The following TNR variants were observed in gnomAD, a reference collection of about 807,000 sequenced individuals.
TNR encodes tenascin R.
Under a neutral mutation model 150.4 loss-of-function variants are expected in TNR, and 45 were observed. The observed-to-expected ratio is 0.30, with a 90% CI of 0.24 to 0.38. The LOEUF (loss-of-function observed/expected upper bound fraction) is 0.38. Ranked by LOEUF, TNR falls within the 10% of genes least tolerant of loss-of-function variation. The pLI, the probability that TNR is intolerant of heterozygous loss-of-function variation, is 1.00. For synonymous variants in TNR, 687 were observed against 678.4 expected (o/e 1.01, Z -0.20); for missense variants, 1,544 against 1,759.1 (o/e 0.88, Z 2.19).
intron 1 of TNR, among the ~76,000 whole-genome samples, chr1:175,665,856 A>G (rs767506532): frequency 6.6e-6 from 1 of 152,216 alleles, no homozygotes; most frequent in Non-Finnish European, 1.5e-5. Flanking sequence ...CGTTCATGGT[A>G]CAATGGAACA....
At chr1:175,408,458 T>A (rs1001306053) in intron 2 of TNR, among the ~76,000 whole-genome samples, 1 of 152,224 alleles carries the variant, frequency 6.6e-6, no homozygotes, top group African/African-American at 2.4e-5. Flanking sequence ...GTGCCTAGTA[T>A]AAAATCATGC....
At chr1:175,531,610 C>T (rs1426895273) in intron 1 of TNR, among the ~76,000 whole-genome samples, 5 of 152,158 alleles carry the variant, frequency 3.3e-5, no homozygotes, top group Admixed American at 3.3e-4. Context: ...AAAGAGCATG[C>T]TGACCTGACT....
intron 2 of TNR, among the ~76,000 whole-genome samples, chr1:175,522,828 A>G (rs1411941870): frequency 1.3e-5 from 2 of 152,224 alleles, no homozygotes; most frequent in Non-Finnish European, 2.9e-5. Context: ...TTTGTTAACA[A>G]TATAGATACT....
intron 1 of TNR, among the ~76,000 whole-genome samples, chr1:175,630,243 T>C (rs1019122263): frequency 6.6e-6 from 1 of 152,214 alleles, no homozygotes; most frequent in Admixed American, 6.5e-5. Flanking sequence ...CATTCTGCTT[T>C]AGAGAGAAGA....
chr1:175,555,504 G>T (rs866952706), intron 1 of TNR, among the ~76,000 whole-genome samples: 22 of 124,328 alleles, frequency 1.8e-4, no homozygotes, highest in Middle Eastern at 3.9e-3. Flanking sequence ...CTGACTCACC[G>T]ACAACTGAGA....
At chr1:175,436,371 G>C (rs1294901578) in intron 2 of TNR, among the ~76,000 whole-genome samples, 3 of 151,922 alleles carry the variant, frequency 2.0e-5, no homozygotes, top group Non-Finnish European at 4.4e-5. Flanking sequence ...TTCTCTTCTT[G>C]CTTCATTTCA....
intron 1 of TNR, among the ~76,000 whole-genome samples, chr1:175,673,926 A>G (rs1665777664): frequency 6.6e-6 from 1 of 152,258 alleles, no homozygotes; most frequent in Non-Finnish European, 1.5e-5. Flanking sequence ...GGCTAAGTAC[A>G]TAGTGCCATC....
intron 2 of TNR, among the ~76,000 whole-genome samples, chr1:175,417,057 A>AAGAAAGAAAGAAAGAAAGAAAGAAAG (rs1654517283): frequency 1.9e-5 from 2 of 104,444 alleles, no homozygotes; most frequent in African/African-American, 6.7e-5. Flanking sequence ...GAAAGAAAGA[A>AAGAAAGAAAGAAAGAAAGAAAGAAAG]AGAAAGAAAG....
At chr1:175,637,626 A>G (rs1664525455) in intron 1 of TNR, among the ~76,000 whole-genome samples, 1 of 152,262 alleles carries the variant, frequency 6.6e-6, no homozygotes, top group Non-Finnish European at 1.5e-5. Context: ...TAATACATCT[A>G]CATTTTCATG....
intron 1 of TNR, among the ~76,000 whole-genome samples, chr1:175,669,177 G>C (rs1665619103): frequency 6.6e-6 from 1 of 152,238 alleles, no homozygotes; most frequent in African/African-American, 2.4e-5. Context: ...GAGTGTTGAA[G>C]AGGTAATGAT....
rs375236151 is a variant in TNR at position 175,551,840 on chromosome 1, T to G, written c.-164-23471A>C. Among the ~76,000 whole-genome samples the G allele has an allele frequency of 8.5e-5, 13 of 152,210 alleles. No homozygotes were observed. The East Asian group carries it at 2.3e-3, about 27-fold the overall frequency. On this transcript the variant is annotated intron_variant, in intron 1 of 22. Coordinates refer to ENST00000367674, the MANE Select transcript of TNR (RefSeq NM_003285.3). ...CAATGATTGTAATTAACTACATATA[T>G]TGGAAGAATGGGGAGGGGCAACGTG... is the stretch of plus-strand genomic sequence containing the variant.
chr1:175,685,878 A>T (rs1233244526), intron 1 of TNR, among the ~76,000 whole-genome samples: 1 of 151,122 alleles, frequency 6.6e-6, no homozygotes, highest in African/African-American at 2.4e-5. Context: ...GTCCCCTGAC[A>T]CTGTGGTTCT....
At chr1:175,434,324 T>C (rs1033692936) in intron 2 of TNR, among the ~76,000 whole-genome samples, 5 of 152,132 alleles carry the variant, frequency 3.3e-5, no homozygotes, top group Admixed American at 2.0e-4. Flanking sequence ...GGCCTGATAA[T>C]GGATCACCTC....
At chr1:175,331,030 TTTCTTTC>T (rs1369776175) in intron 20 of TNR, among the ~76,000 whole-genome samples, 1 of 67,790 alleles carries the variant, frequency 1.5e-5, no homozygotes, top group Non-Finnish European at 3.2e-5. Context: ...TCTTTCTTTC[TTTCTTTC>T]TTTCTTTCTT....
At chr1:175,651,063 C>T (rs375895936) in intron 1 of TNR, among the ~76,000 whole-genome samples, 25 of 42,474 alleles carry the variant, frequency 5.9e-4, no homozygotes, top group East Asian at 4.2e-3. Flanking sequence ...TCATTACTAC[C>T]CCTCCCCATC....
At chr1:175,445,120 A>C (rs1655981774) in intron 2 of TNR, among the ~76,000 whole-genome samples, 1 of 152,302 alleles carries the variant, frequency 6.6e-6, no homozygotes, top group East Asian at 1.9e-4. Context: ...AACACAAAAA[A>C]TTAGCTAGGT....
chr1:175,664,988 C>T (rs916283600), intron 1 of TNR, among the ~76,000 whole-genome samples: 4 of 152,214 alleles, frequency 2.6e-5, no homozygotes, highest in East Asian at 3.8e-4. Flanking sequence ...AAAAGGATGA[C>T]AGAATCTGAA....
intron 2 of TNR, among the ~76,000 whole-genome samples, chr1:175,454,767 G>A (rs552597278): frequency 7.9e-5 from 12 of 152,152 alleles, no homozygotes; most frequent in African/African-American, 1.4e-4. Context: ...CCACCATGCC[G>A]GTCTGGTTCC....
intron 5 of TNR, among the ~76,000 whole-genome samples, chr1:175,395,343 T>C: frequency 6.6e-6 from 1 of 152,188 alleles, no homozygotes; most frequent in Admixed American, 6.5e-5. Flanking sequence ...CTGAATACCA[T>C]CTACCTACAC....
Sources: allele counts gnomAD v4.1 joint callset (sites outside exome capture counted in the v4.1 genomes callset), GRCh38; gene constraint gnomAD v4.1.1; transcripts MANE v1.5; gene names NCBI Gene and HGNC (gene_info 2026-07-23, HGNC 2026-07-21).